MPZL3: variants seen among roughly 807,000 people sequenced by gnomAD.
The protein encoded by MPZL3 is myelin protein zero-like protein 3.
In MPZL3, 23 loss-of-function variants were observed where a neutral mutation model predicts 24.8. That is an observed-to-expected ratio of 0.93 (90% CI 0.67 to 1.31). MPZL3 has a LOEUF of 1.31. MPZL3 is among the 40% of genes most tolerant of loss of function. The pLI, the probability that MPZL3 is intolerant of heterozygous loss-of-function variation, is 0.00. For synonymous variants in MPZL3, 99 were observed against 106.5 expected, an observed-to-expected ratio of 0.93 and a Z score of 0.44; for missense variants, 277 against 294.9, an observed-to-expected ratio of 0.94 and a Z score of 0.44.
chr11:118,248,438 C>T (rs138610670), intron 1 of MPZL3, among the ~76,000 whole-genome samples: 146 of 152,158 alleles, frequency 9.6e-4, no homozygotes, highest in African/African-American at 3.3e-3. Context: ...ATAGTAAGTA[C>T]GCCATCAATA....
At position 118,233,538 on chromosome 11, in the gene MPZL3, C is replaced by T. The variant is rs1949381557; in HGVS notation, c.618-15G>A. ...CCTGATCAGTGCTGTAAAAAGAGGA[C>T]AAACCAAATCTGAATCACCACTATC... On this transcript the variant is annotated splice_polypyrimidine_tract_variant and intron_variant, in intron 4 of 5. Coordinates refer to ENST00000278949, the MANE Select transcript of MPZL3 (RefSeq NM_198275.3). The T allele has an allele frequency of 2.5e-6, 4 of 1,613,402 alleles. No individual in the cohort carries two copies. The highest frequency in any genetic ancestry group is 3.4e-6 in the Non-Finnish European group (4 of 1,179,660).
intron 4 of MPZL3, 70 bp downstream of exon 4, chr11:118,235,354 G>T: frequency 6.7e-7 from 1 of 1,502,412 alleles, no homozygotes; most frequent in South Asian, 1.3e-5. Context: ...AGGAAGGTGT[G>T]GATGTGGGGG....
At chr11:118,231,848 G>C (rs1447283715) in intron 5 of MPZL3, among the ~76,000 whole-genome samples, 1 of 152,092 alleles carries the variant, frequency 6.6e-6, no homozygotes, top group Admixed American at 6.6e-5. Flanking sequence ...CAAACTACCA[G>C]CATCTTCAGC....
At chr11:118,236,431 T>C (rs145665862) in intron 3 of MPZL3, among the ~76,000 whole-genome samples, 2 of 152,140 alleles carry the variant, frequency 1.3e-5, no homozygotes, top group Non-Finnish European at 2.9e-5. Context: ...TGAGAAAGAC[T>C]TGAGAAATGA....
In MPZL3 at chr11:118,227,916, G is replaced by T. The variant is rs1949291147; in HGVS notation, c.*1978C>A. 1 of 152,160 alleles carries T rather than the reference G, an allele frequency of 6.6e-6. No homozygotes were observed. Among genetic ancestry groups the T allele is most frequent in the African/African-American group, 2.4e-5 (1 of 41,426 alleles). 9.4% of individuals were successfully genotyped at this position (152,160 alleles called of 1,614,324 possible). A position where few individuals can be genotyped will look rare whatever the true frequency, so the allele number is the denominator to read the frequency against. On this transcript the variant is annotated 3_prime_UTR_variant, in exon 6 of 6. Transcript: ENST00000278949. ...GAGATCTCTATCTTCAAATCTCTGA[G>T]AGCCCAAGTTATTTACTCTCATTGC...
chr11:118,233,868 C>T (rs1383699462), intron 4 of MPZL3, among the ~76,000 whole-genome samples: 1 of 152,126 alleles, frequency 6.6e-6, no homozygotes, highest in Admixed American at 6.6e-5. Context: ...GTGGTGCACA[C>T]CTGTAATCCC....
intron 5 of MPZL3, among the ~76,000 whole-genome samples, 158 bp downstream of exon 5, chr11:118,233,302 C>A (rs978823143): frequency 2.6e-5 from 4 of 152,024 alleles, no homozygotes; most frequent in African/African-American, 9.7e-5. Flanking sequence ...GGTAGGGGTC[C>A]CCTGAGTCCA....
At chr11:118,233,207 G>A (rs769608902) in intron 5 of MPZL3, among the ~76,000 whole-genome samples, 20 of 152,194 alleles carry the variant, frequency 1.3e-4, no homozygotes, top group Non-Finnish European at 2.4e-4. Flanking sequence ...TCAGTCAGCA[G>A]AAACTACTCT....
At position 118,235,649 on chromosome 11, in the gene MPZL3, T is replaced by G. The variant is rs766685593; in HGVS notation, c.452-60A>C. ...ACATGCAAATATGCCTCCTGCGACATGAGCAACTAGGTTCTACTTTTGCTC... is the reference window on the plus strand; with the variant it reads ...ACATGCAAATATGCCTCCTGCGACAGGAGCAACTAGGTTCTACTTTTGCTC... On this transcript the variant is annotated intron_variant, in intron 3 of 5. Coordinates refer to ENST00000278949, the MANE Select transcript of MPZL3 (RefSeq NM_198275.3). The G allele has an allele frequency of 3.9e-6, 6 of 1,543,470 alleles. No individual in the cohort carries two copies. The East Asian group carries it at 1.1e-4, about 29-fold the overall frequency.
Position 118,229,634 on chromosome 11 carries a change from A to G in MPZL3, c.*260T>C. The G allele has an allele frequency of 2.7e-6, 1 of 371,632 alleles. No homozygotes were observed. The highest frequency in any genetic ancestry group is 4.8e-6 in the Non-Finnish European group (1 of 206,944). 23.0% of individuals were successfully genotyped at this position (371,632 alleles called of 1,614,324 possible). On this transcript the variant is annotated 3_prime_UTR_variant, in exon 6 of 6. Coordinates refer to ENST00000278949, the MANE Select transcript of MPZL3 (RefSeq NM_198275.3). ...AAAGTATCTTTTTGCTCAGGAAAAG[A>G]ATTTCTTCATTCAATTACAGCATAA... is the stretch of plus-strand genomic sequence containing the variant.
At position 118,237,260 on chromosome 11, in the gene MPZL3, T is replaced by C. The variant is rs1371877283; in HGVS notation, c.241A>G (p.Ile81Val). ...RPPSSSHTVSIFHYQSFQYPT... is the reference protein window; with the variant it reads ...RPPSSSHTVSVFHYQSFQYPT... ...TACTGGAAAGACTGATAATGAAATATCTAAGAAAGCAACACCATGAGAGAA... is the reference window on the plus strand; with the variant it reads ...TACTGGAAAGACTGATAATGAAATACCTAAGAAAGCAACACCATGAGAGAA... The change falls in exon 3 of 6, where the codon ATA becomes GTA. Residue 81 changes from isoleucine to valine, a missense_variant and splice_region_variant. Ile to Val is a conservative substitution (Grantham distance 29). Coordinates refer to ENST00000278949, the MANE Select transcript of MPZL3 (RefSeq NM_198275.3). The C allele has an allele frequency of 1.2e-6, 2 of 1,613,522 alleles. No homozygotes were observed. Among genetic ancestry groups the C allele is most frequent in the Admixed American group, 1.7e-5 (1 of 59,976 alleles).
intron 5 of MPZL3, 106 bp from the exon 6 acceptor site, chr11:118,230,026 C>A: frequency 2.0e-6 from 2 of 995,390 alleles, no homozygotes; most frequent in Non-Finnish European, 3.0e-6. Flanking sequence ...GGGGAGACAG[C>A]CACAGTGAAA....
chr11:118,248,354 C>T (rs1949579333), intron 1 of MPZL3, among the ~76,000 whole-genome samples: 1 of 152,042 alleles, frequency 6.6e-6, no homozygotes, highest in African/African-American at 2.4e-5. Context: ...ACAAAATAAG[C>T]ATTAAAATTA....
At chr11:118,230,570 C>A (rs1949338626) in intron 5 of MPZL3, among the ~76,000 whole-genome samples, 1 of 152,120 alleles carries the variant, frequency 6.6e-6, no homozygotes, top group African/African-American at 2.4e-5. Flanking sequence ...GGGCCATTAG[C>A]ACTAACTGGC....
chr11:118,230,228 G>A (rs1949333009), intron 5 of MPZL3, among the ~76,000 whole-genome samples: 1 of 152,172 alleles, frequency 6.6e-6, no homozygotes, highest in Admixed American at 6.5e-5. Flanking sequence ...AAGTGTCAGT[G>A]GAATCACCCC....
chr11:118,238,557 T>C (rs1379335862), intron 2 of MPZL3, among the ~76,000 whole-genome samples: 1 of 152,242 alleles, frequency 6.6e-6, no homozygotes, highest in African/African-American at 2.4e-5. Flanking sequence ...TTCCTCTTTC[T>C]TTGTTACTTG....
At position 118,233,499 on chromosome 11, in the gene MPZL3, C is replaced by T. The variant is rs113204504; in HGVS notation, c.642G>A (p.Ala214=). The change falls in exon 5 of 6, where the codon GCG becomes GCA. Residue 214 remains alanine, a synonymous_variant. Coordinates refer to ENST00000278949, the MANE Select transcript of MPZL3 (RefSeq NM_198275.3). ...SDDTDQEEEE[A]CMARLCVRCA... ...AACGGACACAAAGCCTCGCCATACA[C>T]GCCTCTTCCTCCTCCTGATCAGTGC... The T allele has an allele frequency of 5.6e-6, 9 of 1,613,856 alleles. No individual in the cohort carries two copies. The African/African-American group carries it at 9.3e-5, about 17-fold the overall frequency.
At chr11:118,232,311 C>T (rs1249768052) in intron 5 of MPZL3, among the ~76,000 whole-genome samples, 1 of 152,014 alleles carries the variant, frequency 6.6e-6, no homozygotes, top group African/African-American at 2.4e-5. Context: ...ATGTCACACC[C>T]CCATCCAGCC....
chr11:118,250,668 C>T (rs993444408), intron 1 of MPZL3, among the ~76,000 whole-genome samples: 15 of 152,250 alleles, frequency 9.9e-5, no homozygotes, highest in Admixed American at 7.8e-4. Flanking sequence ...GCAACCTCTG[C>T]CTCCTGGGTT....
Sources: gnomAD v4.1 joint callset for allele counts (sites outside exome capture counted in the v4.1 genomes callset) on GRCh38, gnomAD v4.1.1 for gene constraint, MANE v1.5 for transcripts, NCBI Gene and HGNC (gene_info 2026-07-23, HGNC 2026-07-21) for gene names.